RNF144B: variants seen among roughly 807,000 people sequenced by gnomAD.
The protein encoded by RNF144B is ring finger protein 144B, also known as E3 ubiquitin-protein ligase RNF144B.
RNF144B carries 25 observed loss-of-function variants against 40.2 expected under a neutral mutation model. The ratio of observed to expected loss-of-function variants is 0.62; its 90% confidence interval spans 0.45 to 0.87. The LOEUF (loss-of-function observed/expected upper bound fraction) is 0.87, where lower values mean the gene tolerates loss of function less well. RNF144B is among the 40% of genes least tolerant of loss of function. The pLI, the probability that RNF144B is intolerant of heterozygous loss-of-function variation, is 0.00. For missense variants in RNF144B, 365 were observed against 373.7 expected (o/e 0.98, Z 0.19); for synonymous variants, 145 against 136.3 (o/e 1.06, Z -0.44).
At chr6:18,396,833 T>C (rs568696658) in intron 1 of RNF144B, 8 of 984,982 alleles carry the variant, frequency 8.1e-6, no homozygotes, top group Non-Finnish European at 8.4e-6. Flanking sequence ...GTAAAGTCAT[T>C]CATTTTTACC....
rs964454406 is a variant in RNF144B at position 18,448,517 on chromosome 6, C to T, written c.332-8638C>T. 6.6e-5 allele frequency among the ~76,000 whole-genome samples: 10 copies of T among 151,918 alleles called. No individual in the cohort carries two copies. The highest frequency in any genetic ancestry group is 2.2e-4 in the African/African-American group (9 of 41,310). On this transcript the variant is annotated intron_variant, in intron 4 of 7. Transcript: ENST00000259939. The surrounding 1 kb of genome is among the most constrained non-coding windows in gnomAD (Gnocchi z 4.0). Reference sequence around the variant, plus strand: ...AGCTTTATGTAATATGAAAGTATAGCGAACCTAGCAATATTGAACGTGAAG... The same window carrying T: ...AGCTTTATGTAATATGAAAGTATAGTGAACCTAGCAATATTGAACGTGAAG...
At position 18,442,379 on chromosome 6, in the gene RNF144B, A is replaced by T. The variant is rs978222743; in HGVS notation, c.331+2635A>T. Among the ~76,000 whole-genome samples, 1 of 152,206 alleles carries T rather than the reference A, an allele frequency of 6.6e-6. No individual in the cohort carries two copies. Among genetic ancestry groups the T allele is most frequent in the Non-Finnish European group, 1.5e-5 (1 of 68,040 alleles). ...TTTTTTTCTCACGAGTTCTGGGCAG[A>T]TGCCCCACTGTGGATCCCATGCATT... On this transcript the variant is annotated intron_variant, in intron 4 of 7. Transcript: ENST00000259939. This position sits in a 1 kb window ranked among gnomAD's most constrained non-coding sequence, Gnocchi z 4.3.
At position 18,422,263 on chromosome 6, in the gene RNF144B, A is replaced by G. The variant is rs2113491695; in HGVS notation, c.166-5318A>G. On this transcript the variant is annotated intron_variant, in intron 2 of 7. Coordinates refer to ENST00000259939, the MANE Select transcript of RNF144B (RefSeq NM_182757.4). The surrounding 1 kb of genome is among the most constrained non-coding windows in gnomAD (Gnocchi z 4.7). ...AACAGCATCTAACAAAGGCAGTCTT[A>G]TTCTTGGATCATGTGTACAGATCAT... Among the ~76,000 whole-genome samples the G allele has an allele frequency of 6.6e-6, 1 of 152,328 alleles. No individual in the cohort carries two copies. Among genetic ancestry groups the G allele is most frequent in the Middle Eastern group, 3.4e-3 (1 of 294 alleles).
At position 18,434,282 on chromosome 6, in the gene RNF144B, A is replaced by C. The variant is rs1414769665; in HGVS notation, c.271-5402A>C. On this transcript the variant is annotated intron_variant, in intron 3 of 7. Coordinates refer to ENST00000259939, the MANE Select transcript of RNF144B (RefSeq NM_182757.4). This position sits in a 1 kb window ranked among gnomAD's most constrained non-coding sequence, Gnocchi z 4.1. ...TGTATTTATTAACACTTCATATGGG[A>C]ACACACACCACTTTTGGCATAAATA... Among the ~76,000 whole-genome samples, 1 of 152,156 alleles carries C rather than the reference A, an allele frequency of 6.6e-6. No homozygotes were observed. The highest frequency in any genetic ancestry group is 1.9e-4 in the East Asian group (1 of 5,200).
At position 18,443,593 on chromosome 6, in the gene RNF144B, G is replaced by C. The variant is rs112224529; in HGVS notation, c.331+3849G>C. The stretch of plus-strand genomic sequence containing the variant: ...TGATTTTGGAAGGCAATTTGTAATC[G>C]TGTAATTCTTCATTACCATCCGTTA... On this transcript the variant is annotated intron_variant, in intron 4 of 7. Transcript: ENST00000259939. This position sits in a 1 kb window ranked among gnomAD's most constrained non-coding sequence, Gnocchi z 4.7. 5.9e-5 allele frequency among the ~76,000 whole-genome samples: 9 copies of C among 151,760 alleles called. No homozygotes were observed. Among genetic ancestry groups the C allele is most frequent in the African/African-American group, 2.2e-4 (9 of 41,294 alleles).
In RNF144B at chr6:18,430,136, A is replaced by G. The variant is rs1459362478; in HGVS notation, c.270+2451A>G. On this transcript the variant is annotated intron_variant, in intron 3 of 7. Coordinates refer to ENST00000259939, the MANE Select transcript of RNF144B (RefSeq NM_182757.4). ...ACCTGTGCTGACTAATCCAGTAGCC[A>G]CTAGCCACATGTGGCTATTTAAACC... is the stretch of plus-strand genomic sequence containing the variant. 2.6e-5 allele frequency among the ~76,000 whole-genome samples: 4 copies of G among 152,220 alleles called. No homozygotes were observed. In the East Asian group the frequency reaches 7.7e-4, roughly 29 times the overall value.
chr6:18,435,965 A>G (rs1186107915), intron 3 of RNF144B, among the ~76,000 whole-genome samples: 1 of 152,070 alleles, frequency 6.6e-6, no homozygotes, highest in Non-Finnish European at 1.5e-5. Context: ...TGGCACATGT[A>G]TACATATGTA....
rs971059469 is a variant in RNF144B at position 18,396,526 on chromosome 6, A to G, written c.-36-2973A>G. On this transcript the variant is annotated intron_variant, in intron 1 of 7. Transcript: ENST00000259939. The stretch of plus-strand genomic sequence containing the variant: ...GGCTATTCACACCAGCTTTCTCCAC[A>G]TGGCTAAGTGTATTTGACATTTGGG... 3.5e-4 allele frequency: 344 copies of G among 985,212 alleles called. 3 individuals carry two copies. The highest frequency in any genetic ancestry group is 1.1e-4 in the Non-Finnish European group (92 of 829,864). 61.0% of individuals were successfully genotyped at this position (985,212 alleles called of 1,614,324 possible).
Position 18,433,790 on chromosome 6 carries a change from C to T in RNF144B, c.271-5894C>T, listed in dbSNP as rs567736222. Among the ~76,000 whole-genome samples, 3 of 152,248 alleles carry T rather than the reference C, an allele frequency of 2.0e-5. No individual in the cohort carries two copies. In the East Asian group the frequency reaches 5.8e-4, roughly 29 times the overall value. ...CTAGTATTCAGGTGAGAGACTTCAG[C>T]TTGTTAGTTTCACTCAGGTGAATGG... On this transcript the variant is annotated intron_variant, in intron 3 of 7. Coordinates refer to ENST00000259939, the MANE Select transcript of RNF144B (RefSeq NM_182757.4).
intron 3 of RNF144B, among the ~76,000 whole-genome samples, chr6:18,435,534 G>A (rs1416823668): frequency 1.3e-5 from 2 of 152,168 alleles, no homozygotes; most frequent in African/African-American, 4.8e-5. Flanking sequence ...GGCAAGAATT[G>A]TCAGTGGATA....
rs1161578231 is a variant in RNF144B at position 18,467,016 on chromosome 6, AG to A, written c.*1950del. On this transcript the variant is annotated 3_prime_UTR_variant, in exon 8 of 8. Coordinates refer to ENST00000259939, the MANE Select transcript of RNF144B (RefSeq NM_182757.4). Reference sequence around the variant, plus strand: ...AAACACTTCAGAAAAAAACACTATCAGTGTAGTTCATGTTAGTATAATTATA... The same window carrying A: ...AAACACTTCAGAAAAAAACACTATCATGTAGTTCATGTTAGTATAATTATA... The A allele has an allele frequency of 6.8e-6, 1 of 146,566 alleles. No individual in the cohort carries two copies. Among genetic ancestry groups the A allele is most frequent in the African/African-American group, 2.4e-5 (1 of 40,888 alleles). 9.1% of individuals were successfully genotyped at this position (146,566 alleles called of 1,614,324 possible). A position where few individuals can be genotyped will look rare whatever the true frequency, so the allele number is the denominator to read the frequency against.
chr6:18,398,150 C>T lies in RNF144B; in HGVS notation c.-36-1349C>T, dbSNP rs888744622. On this transcript the variant is annotated intron_variant, in intron 1 of 7. Transcript: ENST00000259939. This position sits in a 1 kb window ranked among gnomAD's most constrained non-coding sequence, Gnocchi z 5.0. ...CACAAACAGTAACTCTTCATTTCCC[C>T]CTCCCACCAGCCCCTGGTAACCTCT... 2.0e-5 allele frequency among the ~76,000 whole-genome samples: 3 copies of T among 152,076 alleles called. No homozygotes were observed. Among genetic ancestry groups the T allele is most frequent in the Admixed American group, 2.0e-4 (3 of 15,260 alleles).
intron 2 of RNF144B, among the ~76,000 whole-genome samples, chr6:18,423,205 G>A (rs1350483258): frequency 6.6e-6 from 1 of 152,142 alleles, no homozygotes; most frequent in Non-Finnish European, 1.5e-5. Flanking sequence ...AGCTTAGACA[G>A]GTGATATTGT....
At chr6:18,429,591 A>G in intron 3 of RNF144B, among the ~76,000 whole-genome samples, 1 of 133,950 alleles carries the variant, frequency 7.5e-6, no homozygotes, top group Non-Finnish European at 1.8e-5. Context: ...AATATCGAGT[A>G]TGTAAACCCT....
chr6:18,432,975 G>A (rs1237807406), intron 3 of RNF144B, among the ~76,000 whole-genome samples: 3 of 152,194 alleles, frequency 2.0e-5, no homozygotes, highest in African/African-American at 7.2e-5. Flanking sequence ...GTGGAGGTAT[G>A]GTGGAGGAGG....
chr6:18,435,942 C>T (rs1355576721), intron 3 of RNF144B, among the ~76,000 whole-genome samples: 1 of 151,686 alleles, frequency 6.6e-6, no homozygotes, highest in African/African-American at 2.4e-5. Flanking sequence ...TTAATGGATG[C>T]AGCACACCAA....
intron 2 of RNF144B, among the ~76,000 whole-genome samples, chr6:18,411,667 C>A (rs894237232): frequency 1.3e-5 from 2 of 151,242 alleles, no homozygotes; most frequent in East Asian, 3.9e-4. Context: ...CCGCACCCAA[C>A]TAATTTTTGT....
At chr6:18,439,643 A>G (rs767477686) in intron 3 of RNF144B, 41 bp from the exon 4 acceptor site, 15 of 1,438,720 alleles carry the variant, frequency 1.0e-5, no homozygotes, top group South Asian at 4.6e-5. Flanking sequence ...TCAGGGCACT[A>G]TGATGACTGA....
At chr6:18,432,500 C>A (rs940607615) in intron 3 of RNF144B, among the ~76,000 whole-genome samples, 3 of 152,202 alleles carry the variant, frequency 2.0e-5, no homozygotes, top group Non-Finnish European at 2.9e-5. Context: ...TCATGTCCAA[C>A]ATGAAATTAT....
Sources: allele counts gnomAD v4.1 joint callset (sites outside exome capture counted in the v4.1 genomes callset), GRCh38; gene constraint gnomAD v4.1.1; non-coding constraint Gnocchi (gnomAD v3.1); transcripts MANE v1.5; gene names NCBI Gene and HGNC (gene_info 2026-07-23, HGNC 2026-07-21).